MSH3: variants seen among roughly 807,000 people sequenced by gnomAD.
MSH3 encodes the protein mutS homolog 3.
MSH3 carries 106 observed loss-of-function variants against 123.3 expected under a neutral mutation model. The ratio of observed to expected loss-of-function variants is 0.86; its 90% CI spans 0.73 to 1.01. The LOEUF is 1.01. MSH3 is among the 50% of genes least tolerant of loss of function. MSH3 has a pLI of 0.00. For missense variants in MSH3, 1,459 were observed against 1,347.6 expected (o/e 1.08, Z -1.29); for synonymous variants, 515 against 481.4 (o/e 1.07, Z -0.91).
At chr5:80,774,961 G>A (rs1235672361) in intron 15 of MSH3, among the ~76,000 whole-genome samples, 2 of 152,124 alleles carry the variant, frequency 1.3e-5, no homozygotes, top group African/African-American at 4.8e-5. Flanking sequence ...AGTATAACTG[G>A]ATTATTTGTA....
intron 8 of MSH3, among the ~76,000 whole-genome samples, chr5:80,700,831 A>G (rs1339022915): frequency 6.6e-6 from 1 of 152,250 alleles, no homozygotes; most frequent in Non-Finnish European, 1.5e-5. Flanking sequence ...AGGAAGAAAC[A>G]GCATTTGAGA....
chr5:80,687,218 C>G (rs1417817499), intron 8 of MSH3, among the ~76,000 whole-genome samples: 1 of 152,088 alleles, frequency 6.6e-6, no homozygotes, highest in Non-Finnish European at 1.5e-5. Flanking sequence ...GGGAATCAGT[C>G]TTACTATCTT....
intron 18 of MSH3, among the ~76,000 whole-genome samples, chr5:80,787,911 T>G (rs1267756385): frequency 1.3e-5 from 2 of 152,184 alleles, no homozygotes; most frequent in Non-Finnish European, 2.9e-5. Flanking sequence ...TTTTATAAAG[T>G]TTCAGCACTC....
chr5:80,720,917 C>T (rs578182596), intron 8 of MSH3, among the ~76,000 whole-genome samples: 60 of 152,248 alleles, frequency 3.9e-4, no homozygotes, highest in African/African-American at 1.4e-3. Context: ...GTTTACACAA[C>T]TGTAAGTGTA....
chr5:80,717,647 C>T (rs1002401826), intron 8 of MSH3, among the ~76,000 whole-genome samples: 1 of 152,168 alleles, frequency 6.6e-6, no homozygotes, highest in Non-Finnish European at 1.5e-5. Flanking sequence ...TAAGAGTTCA[C>T]GCCTCTCTGT....
In MSH3 at chr5:80,768,922, C is replaced by G. The variant is rs541680738; in HGVS notation, c.2172C>G (p.Asp724Glu). 6.2e-7 allele frequency: 1 copy of G among 1,612,428 alleles called. No individual in the cohort carries two copies. The highest frequency in any genetic ancestry group is 8.5e-7 in the Non-Finnish European group (1 of 1,178,800). Reference protein sequence around the residue: ...KRKDEIQGVIDEIRMHLQEIR... With the variant: ...KRKDEIQGVIEEIRMHLQEIR... ...AGGATGAAATTCAAGGTGTTATTGA[C>G]GAGATCCGAATGCATTTGCAAGAAA... The change falls in exon 15 of 24, where the codon GAC (aspartate) becomes GAG (glutamate). Residue 724 changes from aspartate (D) to glutamate (E), a missense_variant. Transcript: ENST00000265081.
chr5:80,777,663 G>A (rs991504590), intron 16 of MSH3, among the ~76,000 whole-genome samples: 2 of 152,174 alleles, frequency 1.3e-5, no homozygotes, highest in African/African-American at 2.4e-5. Flanking sequence ...CAGTTTATCT[G>A]TTTGGCCATA....
chr5:80,818,900 T>A (rs1745152189), intron 20 of MSH3, among the ~76,000 whole-genome samples: 1 of 152,230 alleles, frequency 6.6e-6, no homozygotes, highest in Admixed American at 6.5e-5. Flanking sequence ...TTTGTTATTG[T>A]TCTGGGATTT....
intron 3 of MSH3, among the ~76,000 whole-genome samples, chr5:80,669,516 G>T (rs368300537): frequency 2.0e-5 from 3 of 152,342 alleles, no homozygotes; most frequent in African/African-American, 7.2e-5. Context: ...GAGTACTAAT[G>T]TTGAAAATGT....
intron 15 of MSH3, among the ~76,000 whole-genome samples, chr5:80,771,556 T>G (rs1744213795): frequency 6.6e-6 from 1 of 151,916 alleles, no homozygotes; most frequent in South Asian, 2.1e-4. Context: ...CTCCATCAAA[T>G]ATGATTATCT....
At chr5:80,723,094 A>T (rs867321688) in intron 8 of MSH3, among the ~76,000 whole-genome samples, 4 of 144,430 alleles carry the variant, frequency 2.8e-5, no homozygotes, top group African/African-American at 7.7e-5. Context: ...ACTCTGTCTA[A>T]AAATAAATAA....
intron 8 of MSH3, among the ~76,000 whole-genome samples, chr5:80,681,137 C>A (rs77272545): frequency 0.025 from 3,875 of 152,200 alleles, 153 homozygotes; most frequent in African/African-American, 0.087. Context: ...TTTAAATAAT[C>A]TTTGCCAGTC....
chr5:80,785,682 A>G (rs1744493301), intron 17 of MSH3, among the ~76,000 whole-genome samples: 1 of 152,178 alleles, frequency 6.6e-6, no homozygotes, highest in Admixed American at 6.5e-5. Context: ...CTATAAAGAC[A>G]CATGCACACG....
chr5:80,670,608 G>A (rs1749683170), intron 4 of MSH3, among the ~76,000 whole-genome samples: 2 of 152,044 alleles, frequency 1.3e-5, no homozygotes, highest in African/African-American at 2.4e-5. Flanking sequence ...TGAATAAACC[G>A]TAATCATGTA....
At chr5:80,858,268 C>G (rs983186910) in intron 21 of MSH3, among the ~76,000 whole-genome samples, 1 of 151,966 alleles carries the variant, frequency 6.6e-6, no homozygotes, top group Non-Finnish European at 1.5e-5. Flanking sequence ...AGGCTGGTCT[C>G]GTATTCTTGG....
chr5:80,832,604 G>T (rs907635982), intron 20 of MSH3, among the ~76,000 whole-genome samples: 2 of 150,176 alleles, frequency 1.3e-5, no homozygotes, highest in Non-Finnish European at 3.0e-5. Flanking sequence ...CGGTGACAGA[G>T]TAAGACTCCA....
chr5:80,785,755 T>C (rs1216823249), intron 17 of MSH3, among the ~76,000 whole-genome samples: 1 of 152,102 alleles, frequency 6.6e-6, no homozygotes, highest in African/African-American at 2.4e-5. Flanking sequence ...TGTCCAAGAA[T>C]GATAGACTGG....
At chr5:80,752,701 G>A in intron 12 of MSH3, among the ~76,000 whole-genome samples, 1 of 152,072 alleles carries the variant, frequency 6.6e-6, no homozygotes, top group East Asian at 1.9e-4. Flanking sequence ...CAATTTTTTG[G>A]TCAAGAAGGT....
intron 19 of MSH3, among the ~76,000 whole-genome samples, chr5:80,800,984 G>GT (rs1386791674): frequency 6.6e-6 from 1 of 152,208 alleles, no homozygotes; most frequent in Non-Finnish European, 1.5e-5. Flanking sequence ...ATGTTTGAGT[G>GT]TAGACCTGTA....
Sources: gnomAD v4.1 joint callset for allele counts (sites outside exome capture counted in the v4.1 genomes callset) on GRCh38, gnomAD v4.1.1 for gene constraint, MANE v1.5 for transcripts, NCBI Gene and HGNC (gene_info 2026-07-23, HGNC 2026-07-21) for gene names.